Variants in EXOC6B observed in about 807,000 individuals in gnomAD.
The protein encoded by EXOC6B is SEC15 homolog B.
EXOC6B carries 54 observed loss-of-function variants against 113.5 expected under a neutral mutation model. The observed-to-expected ratio is 0.48, with a 90% confidence interval of 0.38 to 0.60. The LOEUF (loss-of-function observed/expected upper bound fraction) is 0.60, where lower values mean the gene tolerates loss of function less well. EXOC6B is among the 20% of genes least tolerant of loss of function. The pLI, the probability that EXOC6B is intolerant of heterozygous loss-of-function variation, is 0.00. For synonymous variants in EXOC6B, 357 were observed against 339.0 expected (o/e 1.05, Z -0.58); for missense variants, 797 against 977.5 (o/e 0.82, Z 2.46).
intron 20 of EXOC6B, among the ~76,000 whole-genome samples, chr2:72,260,232 A>G (rs897151023): frequency 2.0e-5 from 3 of 152,188 alleles, no homozygotes; most frequent in African/African-American, 4.8e-5. Context: ...TATGAAGGGA[A>G]ATTGAACTAT....
chr2:72,417,215 T>G (rs1694578611), intron 18 of EXOC6B, among the ~76,000 whole-genome samples: 1 of 152,210 alleles, frequency 6.6e-6, no homozygotes, highest in Non-Finnish European at 1.5e-5. Flanking sequence ...CTTTGTAGCA[T>G]TTTAATTCAC....
intron 8 of EXOC6B, chr2:72,515,422 G>A (rs1701159752): frequency 8.5e-7 from 1 of 1,171,698 alleles, no homozygotes; most frequent in African/African-American, 1.6e-5. Context: ...TCACAAGAAT[G>A]CAGGGAAACC....
At chr2:72,333,690 A>AC in intron 20 of EXOC6B, among the ~76,000 whole-genome samples, 1 of 151,946 alleles carries the variant, frequency 6.6e-6, no homozygotes, top group Non-Finnish European at 1.5e-5. Context: ...GTGCAAGAGA[A>AC]CCCCCACCTT....
At chr2:72,408,074 GACAA>G (rs1246976664) in intron 18 of EXOC6B, among the ~76,000 whole-genome samples, 4 of 152,030 alleles carry the variant, frequency 2.6e-5, no homozygotes, top group South Asian at 4.2e-4. Context: ...ACCAATAACA[GACAA>G]ACAGAGAGCC....
chr2:72,308,148 C>A (rs1031699873), intron 20 of EXOC6B, among the ~76,000 whole-genome samples: 11 of 152,120 alleles, frequency 7.2e-5, no homozygotes, highest in Non-Finnish European at 1.5e-4. Context: ...CACAACACCT[C>A]AATATTTTCT....
intron 20 of EXOC6B, among the ~76,000 whole-genome samples, chr2:72,277,650 C>T (rs1361111121): frequency 6.6e-6 from 1 of 152,008 alleles, no homozygotes. Flanking sequence ...CACCACCAAA[C>T]CCAGCTAATT....
Position 72,437,907 on chromosome 2 carries a change from A to G in EXOC6B, c.1980+27253T>C, listed in dbSNP as rs147834059. On this transcript the variant is annotated intron_variant, in intron 18 of 21. Coordinates refer to ENST00000272427, the MANE Select transcript of EXOC6B (RefSeq NM_015189.3). ...TATTTCAGTGGTGAATTATTCCTAA[A>G]GAACATTTTTAGGACAGCTGGACTA... Among the ~76,000 whole-genome samples, 36 of 152,336 alleles carry G rather than the reference A, an allele frequency of 2.4e-4. No individual in the cohort carries two copies. In the East Asian group the frequency reaches 4.8e-3, roughly 20 times the overall value.
intron 18 of EXOC6B, among the ~76,000 whole-genome samples, chr2:72,384,474 C>T (rs912755202): frequency 6.6e-6 from 1 of 151,686 alleles, no homozygotes; most frequent in African/African-American, 2.4e-5. Context: ...AGGGTGTGTA[C>T]TCTCATCATT....
At chr2:72,699,848 G>A (rs1188922164) in intron 6 of EXOC6B, among the ~76,000 whole-genome samples, 1 of 152,096 alleles carries the variant, frequency 6.6e-6, no homozygotes, top group Non-Finnish European at 1.5e-5. Flanking sequence ...GCTTTTAATG[G>A]CACTACACAC....
At chr2:72,677,341 G>A (rs1484722692) in intron 6 of EXOC6B, among the ~76,000 whole-genome samples, 1 of 151,588 alleles carries the variant, frequency 6.6e-6, no homozygotes, top group Admixed American at 6.6e-5. Context: ...GACCAGCCTG[G>A]GCAACATGGT....
intron 6 of EXOC6B, among the ~76,000 whole-genome samples, chr2:72,657,705 C>G (rs912914624): frequency 6.8e-6 from 1 of 147,214 alleles, no homozygotes; most frequent in African/African-American, 2.5e-5. Context: ...GTTGGGGTCT[C>G]TGATGATTTT....
At chr2:72,294,788 GA>G (rs1277672765) in intron 20 of EXOC6B, among the ~76,000 whole-genome samples, 3 of 152,032 alleles carry the variant, frequency 2.0e-5, no homozygotes, top group Admixed American at 2.0e-4. Flanking sequence ...TTAGTTTCAA[GA>G]ATAAAAGACA....
intron 20 of EXOC6B, among the ~76,000 whole-genome samples, chr2:72,197,223 T>C (rs1233786960): frequency 6.6e-6 from 1 of 152,144 alleles, no homozygotes; most frequent in East Asian, 1.9e-4. Flanking sequence ...GGTAGGTACC[T>C]CCATTTTATA....
chr2:72,500,308 T>C (rs1700248793), intron 11 of EXOC6B, among the ~76,000 whole-genome samples: 1 of 152,216 alleles, frequency 6.6e-6, no homozygotes, highest in Non-Finnish European at 1.5e-5. Context: ...AACTATGGTA[T>C]GTGGCTAAAA....
intron 18 of EXOC6B, among the ~76,000 whole-genome samples, chr2:72,397,767 A>G (rs1199278205): frequency 6.6e-6 from 1 of 152,044 alleles, no homozygotes; most frequent in Non-Finnish European, 1.5e-5. Context: ...CATATGAGAG[A>G]TGTGCACATC....
intron 18 of EXOC6B, among the ~76,000 whole-genome samples, chr2:72,389,073 T>C (rs1355065373): frequency 1.3e-5 from 2 of 152,110 alleles, no homozygotes; most frequent in African/African-American, 2.4e-5. Context: ...CACAGTACGA[T>C]TGGATTTAAA....
intron 18 of EXOC6B, among the ~76,000 whole-genome samples, chr2:72,401,566 C>CGTGT (rs1452769105): frequency 6.7e-5 from 1 of 14,886 alleles, no homozygotes; most frequent in Non-Finnish European, 1.2e-4. Flanking sequence ...TATATATATA[C>CGTGT]ATATATATAT....
At chr2:72,557,015 T>C (rs943793881) in intron 8 of EXOC6B, among the ~76,000 whole-genome samples, 2 of 151,788 alleles carry the variant, frequency 1.3e-5, no homozygotes, top group African/African-American at 2.4e-5. Context: ...ATAAGCACTT[T>C]ATAGAATAAA....
At chr2:72,795,724 A>G (rs1684907740) in intron 1 of EXOC6B, among the ~76,000 whole-genome samples, 1 of 152,210 alleles carries the variant, frequency 6.6e-6, no homozygotes, top group South Asian at 2.1e-4. Context: ...GCAAAGGAAA[A>G]TCAAGGTTAC....
Sources: gnomAD v4.1 joint callset for allele counts (sites outside exome capture counted in the v4.1 genomes callset) on GRCh38, gnomAD v4.1.1 for gene constraint, MANE v1.5 for transcripts, NCBI Gene and HGNC (gene_info 2026-07-23, HGNC 2026-07-21) for gene names.